The following AMMECR1L variants were observed in gnomAD, a reference collection of about 807,000 sequenced individuals.
AMMECR1L encodes AMMECR1 like, also known as AMMECR1-like protein.
In AMMECR1L, 4 loss-of-function variants were observed where a neutral mutation model predicts 36.8. The ratio of observed to expected loss-of-function variants is 0.11; its 90% CI spans 0.05 to 0.25. The LOEUF (loss-of-function observed/expected upper bound fraction) is 0.25, where lower values mean the gene tolerates loss of function less well. Among genes scored for constraint, AMMECR1L ranks in the 10% least tolerant of loss-of-function variants. The probability of loss-of-function intolerance (pLI) is 1.00; values close to 1 mark genes in which losing one functional copy is unlikely to be tolerated. For missense variants in AMMECR1L, 232 were observed against 392.1 expected, an observed-to-expected ratio of 0.59 and a Z score of 3.45; for synonymous variants, 147 against 148.0, an observed-to-expected ratio of 0.99 and a Z score of 0.05.
chr2:127,885,078 C>T (rs1248978791), intron 1 of AMMECR1L: 3 of 852,032 alleles, frequency 3.5e-6, no homozygotes, highest in Non-Finnish European at 4.2e-6. Flanking sequence ...AAGGGCACAA[C>T]CCACAGCCTG....
chr2:127,863,909 G>C lies in AMMECR1L; in HGVS notation c.*1185C>G, dbSNP rs1203587824. On this transcript the variant is annotated 3_prime_UTR_variant, in exon 8 of 8. Transcript: ENST00000272647. Reference sequence around the variant, plus strand: ...GTCACATGAAAGTTTGAAAGACCTAGAATAAAATGAGCTATTTGGAAATTT... The same window carrying C: ...GTCACATGAAAGTTTGAAAGACCTACAATAAAATGAGCTATTTGGAAATTT... The C allele has an allele frequency of 1.3e-5, 2 of 152,342 alleles. No individual in the cohort carries two copies. The highest frequency in any genetic ancestry group is 2.9e-5 in the Non-Finnish European group (2 of 68,054). The allele number at this position is 152,342 out of a possible 1,614,324, so 9.4% of individuals were successfully genotyped here.
chr2:127,874,097 T>G lies in AMMECR1L; in HGVS notation c.138A>C (p.Ser46=). 1 of 1,614,210 alleles carries G rather than the reference T, an allele frequency of 6.2e-7. No individual in the cohort carries two copies. The highest frequency in any genetic ancestry group is 8.5e-7 in the Non-Finnish European group (1 of 1,180,034). Reference sequence around the variant, plus strand: ...CATGCTGGTGGTTTTGAAGAGGTCCTGAACTAGAGCCGGGGACAGTTGTGG... The same window carrying G: ...CATGCTGGTGGTTTTGAAGAGGTCCGGAACTAGAGCCGGGGACAGTTGTGG... ...NQSTTVPGSS[S]GPLQNHQHVD... Residue 46 remains serine, a synonymous_variant, in exon 3 of 8, where the codon TCA becomes TCC. Transcript: ENST00000272647. This position sits in a 1 kb window ranked among gnomAD's most constrained non-coding sequence, Gnocchi z 5.2.
intron 2 of AMMECR1L, among the ~76,000 whole-genome samples, chr2:127,878,992 C>T (rs1346205102): frequency 6.6e-6 from 1 of 152,004 alleles, no homozygotes; most frequent in Non-Finnish European, 1.5e-5. Flanking sequence ...TATAATGAGC[C>T]CAATATTTAA....
At chr2:127,867,371 T>C (rs1486787183) in intron 6 of AMMECR1L, 2 of 885,266 alleles carry the variant, frequency 2.3e-6, no homozygotes, top group Non-Finnish European at 2.7e-6. Flanking sequence ...ATTTAAATTC[T>C]GCAACTTATA....
chr2:127,865,567 C>T lies in AMMECR1L; in HGVS notation c.822-362G>A, dbSNP rs1690648913. Among the ~76,000 whole-genome samples the T allele has an allele frequency of 2.0e-5, 3 of 152,292 alleles. No individual in the cohort carries two copies. The highest frequency in any genetic ancestry group is 6.5e-5 in the Admixed American group (1 of 15,304). ...GATTGGAAGATGGCTGCACCAAAACCCAGTGCAAACTGCACATCTACTTCC... is the reference window on the plus strand; with the variant it reads ...GATTGGAAGATGGCTGCACCAAAACTCAGTGCAAACTGCACATCTACTTCC... On this transcript the variant is annotated intron_variant, in intron 7 of 7. Transcript: ENST00000272647. The surrounding 1 kb of genome is among the most constrained non-coding windows in gnomAD (Gnocchi z 5.4).
In AMMECR1L at chr2:127,885,793, C is replaced by T; in HGVS notation, c.-149+17G>A. On this transcript the variant is annotated intron_variant, in intron 1 of 7. Coordinates refer to ENST00000272647, the MANE Select transcript of AMMECR1L (RefSeq NM_001199140.2). The stretch of plus-strand genomic sequence containing the variant: ...CGGCAGCGGGGAGAAGGGTGCGGCG[C>T]AGCCCGAGTTTCCCACCTTTTCTCC... 12 of 984,852 alleles carry T rather than the reference C, an allele frequency of 1.2e-5. No homozygotes were observed. Among genetic ancestry groups the T allele is most frequent in the Non-Finnish European group, 1.3e-5 (11 of 829,726 alleles). The allele number at this position is 984,852 out of a possible 1,614,324, so 61.0% of individuals were successfully genotyped here.
At chr2:127,885,139 G>A in intron 1 of AMMECR1L, 5 of 985,162 alleles carry the variant, frequency 5.1e-6, no homozygotes, top group Non-Finnish European at 6.0e-6. Flanking sequence ...TCATGGAATG[G>A]GGGGCCAGCG....
At position 127,869,669 on chromosome 2, in the gene AMMECR1L, C is replaced by T. The variant is rs958329233; in HGVS notation, c.634-125G>A. 9.0e-6 allele frequency: 7 copies of T among 773,874 alleles called. No homozygotes were observed. The highest frequency in any genetic ancestry group is 3.3e-5 in the South Asian group (2 of 61,082). 47.9% of individuals were successfully genotyped at this position (773,874 alleles called of 1,614,324 possible). A position where few individuals can be genotyped will look rare whatever the true frequency, so the allele number is the denominator to read the frequency against. ...CAGGCCTGGAAAAGGGAGACCTTCT[C>T]GCATTTCATGACTAATTCTATCTCA... On this transcript the variant is annotated intron_variant, in intron 5 of 7. Coordinates refer to ENST00000272647, the MANE Select transcript of AMMECR1L (RefSeq NM_001199140.2). This position sits in a 1 kb window ranked among gnomAD's most constrained non-coding sequence, Gnocchi z 4.7.
At chr2:127,884,085 C>T (rs1691644852) in intron 2 of AMMECR1L, 118 bp downstream of exon 2, 1 of 152,204 alleles carries the variant, frequency 6.6e-6, no homozygotes, top group Non-Finnish European at 1.5e-5. Flanking sequence ...TTAGGACCCC[C>T]TCATGGAAGT....
rs953006159 is a variant in AMMECR1L at position 127,863,217 on chromosome 2, G to A, written c.*1877C>T. On this transcript the variant is annotated 3_prime_UTR_variant, in exon 8 of 8. Coordinates refer to ENST00000272647, the MANE Select transcript of AMMECR1L (RefSeq NM_001199140.2). ...GGCACCTAAGAGTAACCGTTGCCACGTTTTTAACAAGACATTTATTCTCAG... is the reference window on the plus strand; with the variant it reads ...GGCACCTAAGAGTAACCGTTGCCACATTTTTAACAAGACATTTATTCTCAG... 7 of 150,914 alleles carry A rather than the reference G, an allele frequency of 4.6e-5. No homozygotes were observed. The highest frequency in any genetic ancestry group is 1.2e-4 in the African/African-American group (5 of 41,278). 9.3% of individuals were successfully genotyped at this position (150,914 alleles called of 1,614,324 possible). A position where few individuals can be genotyped will look rare whatever the true frequency, so the allele number is the denominator to read the frequency against.
chr2:127,874,057 C>T lies in AMMECR1L; in HGVS notation c.178G>A (p.Gly60Arg). 1 of 1,614,194 alleles carries T rather than the reference C, an allele frequency of 6.2e-7. No individual in the cohort carries two copies. Among genetic ancestry groups the T allele is most frequent in the African/African-American group, 1.3e-5 (1 of 75,046 alleles). Residue 60 changes from glycine (G) to arginine (R), a missense_variant, in exon 3 of 8, where the codon GGA becomes AGA. Coordinates refer to ENST00000272647, the MANE Select transcript of AMMECR1L (RefSeq NM_001199140.2). The surrounding 1 kb of genome is among the most constrained non-coding windows in gnomAD (Gnocchi z 5.2). ...GTTAAGTCTGACACATTCTCCCGTC[C>T]ACTGCTGCTGTCCACATGCTGGTGG... The part of the protein sequence containing the change: ...QNHQHVDSSS[G>R]RENVSDLTLG...
At chr2:127,875,826 T>C (rs995286071) in intron 2 of AMMECR1L, among the ~76,000 whole-genome samples, 1 of 152,048 alleles carries the variant, frequency 6.6e-6, no homozygotes, top group African/African-American at 2.4e-5. Context: ...ACAGGTCTCA[T>C]TCTGTCACCC....
At chr2:127,866,029 A>C (rs1287631134) in intron 7 of AMMECR1L, among the ~76,000 whole-genome samples, 1 of 152,246 alleles carries the variant, frequency 6.6e-6, no homozygotes, top group Non-Finnish European at 1.5e-5. Flanking sequence ...GTATTTGAAG[A>C]GTTTTTTGTT....
rs1311869909 is a variant in AMMECR1L at position 127,869,738 on chromosome 2, C to T, written c.634-194G>A. 1.3e-5 allele frequency among the ~76,000 whole-genome samples: 2 copies of T among 152,230 alleles called. No homozygotes were observed. The highest frequency in any genetic ancestry group is 2.1e-4 in the South Asian group (1 of 4,806). On this transcript the variant is annotated intron_variant, in intron 5 of 7. Transcript: ENST00000272647. This position sits in a 1 kb window ranked among gnomAD's most constrained non-coding sequence, Gnocchi z 4.7. ...GAAAGTTCTGCTTTTAGGGAAGGGT[C>T]GAGAGTATGTGCAGCCAACTCTGAG...
At chr2:127,867,086 T>A in intron 6 of AMMECR1L, 90 bp from the exon 7 acceptor site, 1 of 1,572,944 alleles carries the variant, frequency 6.4e-7, no homozygotes, top group Non-Finnish European at 8.6e-7. Flanking sequence ...GAAATGGGAC[T>A]CGAGAAGCAG....
chr2:127,885,292 A>G, intron 1 of AMMECR1L: 1 of 984,402 alleles, frequency 1.0e-6, no homozygotes, highest in Non-Finnish European at 1.2e-6. Context: ...GTGAAAGGTG[A>G]GAAACGAGGG....
rs1047351109 is a variant in AMMECR1L at position 127,885,233 on chromosome 2, G to A, written c.-149+577C>T. ...AAAGTGCGCGTGTGAAGAGTGTTAA[G>A]AAAACGACAGGACAGAGCGGGGAGG... On this transcript the variant is annotated intron_variant, in intron 1 of 7. Coordinates refer to ENST00000272647, the MANE Select transcript of AMMECR1L (RefSeq NM_001199140.2). The A allele has an allele frequency of 4.1e-5, 40 of 985,086 alleles. 1 individual carries two copies. The African/African-American group carries it at 6.1e-4, about 15-fold the overall frequency. The allele number at this position is 985,086 out of a possible 1,614,324, so 61.0% of individuals were successfully genotyped here.
intron 3 of AMMECR1L, among the ~76,000 whole-genome samples, chr2:127,872,085 A>G (rs1690999513): frequency 6.6e-6 from 1 of 150,768 alleles, no homozygotes; most frequent in Non-Finnish European, 1.5e-5. Flanking sequence ...GCTACTCGGG[A>G]GGCTGAGGTG....
Position 127,874,321 on chromosome 2 carries a change from G to A in AMMECR1L, c.-38-49C>T. 7 of 1,514,706 alleles carry A rather than the reference G, an allele frequency of 4.6e-6. No individual in the cohort carries two copies. Among genetic ancestry groups the A allele is most frequent in the Admixed American group, 4.7e-5 (2 of 42,892 alleles). 93.8% of individuals were successfully genotyped at this position (1,514,706 alleles called of 1,614,324 possible). On this transcript the variant is annotated intron_variant, in intron 2 of 7. Coordinates refer to ENST00000272647, the MANE Select transcript of AMMECR1L (RefSeq NM_001199140.2). This position sits in a 1 kb window ranked among gnomAD's most constrained non-coding sequence, Gnocchi z 5.2. ...ATTAATTTGACTGGTTAGTTAAAAG[G>A]AGAGGAAAAAACATCAAAGATAGAG...
Sources: allele counts gnomAD v4.1 joint callset (sites outside exome capture counted in the v4.1 genomes callset), GRCh38; gene constraint gnomAD v4.1.1; non-coding constraint Gnocchi (gnomAD v3.1); transcripts MANE v1.5; gene names NCBI Gene and HGNC (gene_info 2026-07-23, HGNC 2026-07-21).